Variants in CWC27 observed in about 807,000 individuals in gnomAD.
CWC27 encodes CWC27 spliceosome associated cyclophilin, also known as spliceosome-associated protein CWC27 homolog.
In CWC27, 47 loss-of-function variants were observed where a neutral mutation model predicts 63.6. That is an observed-to-expected ratio of 0.74 (90% CI 0.58 to 0.94). CWC27 has a LOEUF of 0.94. Ranked by LOEUF, CWC27 falls within the 40% of genes least tolerant of loss-of-function variation. The pLI, the probability that CWC27 is intolerant of heterozygous loss-of-function variation, is 0.00. For synonymous variants in CWC27, 175 were observed against 179.8 expected (o/e 0.97, Z 0.22); for missense variants, 495 against 554.3 (o/e 0.89, Z 1.07).
At chr5:64,937,942 C>CTTTTTTTTTTTTTTTTTTTTTT (rs1748391614) in intron 11 of CWC27, among the ~76,000 whole-genome samples, 1 of 55,662 alleles carries the variant, frequency 1.8e-5, no homozygotes, top group African/African-American at 7.8e-5. Context: ...TTTTTTTTTG[C>CTTTTTTTTTTTTTTTTTTTTTT]TTTCCATTTG....
rs907399236 is a variant in CWC27, at chr5:64,897,424, T to C, written c.1042+11878T>C. On this transcript the variant is annotated intron_variant, in intron 11 of 13. Coordinates refer to ENST00000381070, the MANE Select transcript of CWC27 (RefSeq NM_005869.4). Reference sequence around the variant, plus strand: ...GCAGCTATAAAAAAGGATGAGTTCATGTCCTTTGCAGGGACATGGATGAAG... The same window carrying C: ...GCAGCTATAAAAAAGGATGAGTTCACGTCCTTTGCAGGGACATGGATGAAG... Among the ~76,000 whole-genome samples, 3 of 152,314 alleles carry C rather than the reference T, an allele frequency of 2.0e-5. No individual in the cohort carries two copies. The East Asian group carries it at 5.8e-4, about 29-fold the overall frequency.
intron 10 of CWC27, among the ~76,000 whole-genome samples, chr5:64,836,115 C>T (rs1347460691): frequency 6.6e-6 from 1 of 151,622 alleles, no homozygotes; most frequent in Non-Finnish European, 1.5e-5. Flanking sequence ...TTTAAGCCAC[C>T]CACTCAGATG....
chr5:64,890,148 C>G (rs1747193593), intron 11 of CWC27, among the ~76,000 whole-genome samples: 1 of 152,122 alleles, frequency 6.6e-6, no homozygotes, highest in South Asian at 2.1e-4. Context: ...ACAATTCCTG[C>G]TCTATGACTG....
chr5:64,915,908 A>T (rs966609138), intron 11 of CWC27, among the ~76,000 whole-genome samples: 19 of 152,202 alleles, frequency 1.2e-4, no homozygotes, highest in African/African-American at 4.3e-4. Flanking sequence ...GAGCTGGAAG[A>T]ATCTGAATGT....
intron 13 of CWC27, among the ~76,000 whole-genome samples, chr5:65,014,593 G>A (rs1400124231): frequency 6.6e-6 from 1 of 151,956 alleles, no homozygotes; most frequent in Non-Finnish European, 1.5e-5. Flanking sequence ...GCCGCAGAGT[G>A]GATAGTATTG....
rs536389391 is a variant in CWC27 at position 64,795,937 on chromosome 5, T to C, written c.670-4311T>C. On this transcript the variant is annotated intron_variant, in intron 7 of 13. Coordinates refer to ENST00000381070, the MANE Select transcript of CWC27 (RefSeq NM_005869.4). ...TGGTTGGATGGTTGGAAAATATACA[T>C]AGATTTTTTTTCTCTCCAATCAGAG... Among the ~76,000 whole-genome samples the C allele has an allele frequency of 2.0e-4, 31 of 151,970 alleles. No individual in the cohort carries two copies. In the South Asian group the frequency reaches 3.5e-3, roughly 17 times the overall value.
chr5:64,788,988 GA>G lies in CWC27; in HGVS notation c.639del (p.Glu214LysfsTer5). On this transcript the variant is annotated frameshift_variant, in exon 7 of 14. Transcript: ENST00000381070. LOFTEE classifies it high-confidence loss of function. The part of the protein sequence containing the change: ...SLLSFGEEAE[E>X]EEEEVNRVSQ... Reference sequence around the variant, plus strand: ...ACTTTCATTTGGAGAGGAAGCTGAGGAAGAAGAGGAGGAAGTAAATCGAGTT... The same window carrying G: ...ACTTTCATTTGGAGAGGAAGCTGAGGAGAAGAGGAGGAAGTAAATCGAGTT... 1.2e-6 allele frequency: 2 copies of G among 1,603,272 alleles called. No homozygotes were observed. Among genetic ancestry groups the G allele is most frequent in the Non-Finnish European group, 1.7e-6 (2 of 1,174,970 alleles).
intron 11 of CWC27, among the ~76,000 whole-genome samples, chr5:64,955,925 C>CCT (rs571201390): frequency 1.3e-5 from 2 of 151,836 alleles, no homozygotes; most frequent in Non-Finnish European, 2.9e-5. Context: ...GGAGTCAGTC[C>CCT]CTCTCTCTCC....
At chr5:64,887,507 C>T (rs1252150929) in intron 11 of CWC27, among the ~76,000 whole-genome samples, 1 of 152,136 alleles carries the variant, frequency 6.6e-6, no homozygotes, top group Non-Finnish European at 1.5e-5. Flanking sequence ...GCTGAAACTG[C>T]AAGCATGCAC....
rs546759039 is a variant in CWC27 at position 64,929,031 on chromosome 5, A to G, written c.1043-42672A>G. 3.3e-5 allele frequency among the ~76,000 whole-genome samples: 5 copies of G among 151,918 alleles called. No individual in the cohort carries two copies. The South Asian group carries it at 1.0e-3, about 32-fold the overall frequency. On this transcript the variant is annotated intron_variant, in intron 11 of 13. Coordinates refer to ENST00000381070, the MANE Select transcript of CWC27 (RefSeq NM_005869.4). ...CTATTTTATGTATATGGTAAAGTTT[A>G]GTTAGTTAATAATACATGTGTTGAT...
chr5:64,834,092 CTT>C (rs543249604), intron 10 of CWC27, among the ~76,000 whole-genome samples: 16 of 140,948 alleles, frequency 1.1e-4, no homozygotes, highest in African/African-American at 3.4e-4. Context: ...ATGCCCCTCG[CTT>C]TTTTTTTTTA....
chr5:64,874,395 C>T (rs550615313), intron 10 of CWC27, among the ~76,000 whole-genome samples: 2 of 151,600 alleles, frequency 1.3e-5, no homozygotes, highest in South Asian at 4.2e-4. Flanking sequence ...CTCCTGACCT[C>T]GTTCGTGATC....
intron 10 of CWC27, among the ~76,000 whole-genome samples, chr5:64,883,178 G>A (rs1381339229): frequency 6.6e-6 from 1 of 152,110 alleles, no homozygotes; most frequent in South Asian, 2.1e-4. Flanking sequence ...TCACTATCAT[G>A]AGAATAGCAT....
At chr5:64,940,684 A>G (rs1046383829) in intron 11 of CWC27, among the ~76,000 whole-genome samples, 11 of 151,892 alleles carry the variant, frequency 7.2e-5, no homozygotes, top group South Asian at 6.2e-4. Context: ...TTTGTTCTCC[A>G]TTTATTTATT....
intron 13 of CWC27, among the ~76,000 whole-genome samples, chr5:64,986,908 T>TA (rs1316897831): frequency 6.6e-6 from 1 of 152,150 alleles, no homozygotes; most frequent in East Asian, 1.9e-4. Flanking sequence ...GTAATACATC[T>TA]AAAAAAAATC....
At chr5:64,840,931 C>T (rs1745818483) in intron 10 of CWC27, among the ~76,000 whole-genome samples, 1 of 152,120 alleles carries the variant, frequency 6.6e-6, no homozygotes, top group African/African-American at 2.4e-5. Flanking sequence ...GGGACTGACA[C>T]ATTGTGAAGG....
chr5:64,979,925 A>C (rs538757297), intron 13 of CWC27, among the ~76,000 whole-genome samples: 1 of 151,592 alleles, frequency 6.6e-6, no homozygotes, highest in Admixed American at 6.6e-5. Context: ...GGTATACAAC[A>C]GACATTTGGG....
At chr5:64,848,613 A>G (rs749401228) in intron 10 of CWC27, among the ~76,000 whole-genome samples, 19 of 152,182 alleles carry the variant, frequency 1.2e-4, no homozygotes, top group African/African-American at 4.1e-4. Context: ...ACCAAATTCA[A>G]TTATACATTA....
chr5:64,778,029 AGCCAGC>A (rs1743521583), intron 2 of CWC27, among the ~76,000 whole-genome samples: 2 of 152,208 alleles, frequency 1.3e-5, no homozygotes, highest in Non-Finnish European at 2.9e-5. Flanking sequence ...TAAAATAAAA[AGCCAGC>A]ATCACTGAAA....
Sources: gnomAD v4.1 joint callset for allele counts (sites outside exome capture counted in the v4.1 genomes callset) on GRCh38, gnomAD v4.1.1 for gene constraint, MANE v1.5 for transcripts, NCBI Gene and HGNC (gene_info 2026-07-23, HGNC 2026-07-21) for gene names.